The following ANKFN1 variants were observed in gnomAD, a reference collection of about 807,000 sequenced individuals.
The protein encoded by ANKFN1 is ankyrin repeat and fibronectin type-III domain-containing protein 1.
Under a neutral mutation model 108.7 loss-of-function variants are expected in ANKFN1, and 74 were observed. The observed-to-expected ratio is 0.68, with a 90% CI of 0.56 to 0.83. The LOEUF (loss-of-function observed/expected upper bound fraction) is 0.83. Ranked by LOEUF, ANKFN1 falls within the 40% of genes least tolerant of loss-of-function variation. The pLI is 0.00. For missense variants in ANKFN1, 1,505 were observed against 1,382.3 expected, an observed-to-expected ratio of 1.09 and a Z score of -1.41; for synonymous variants, 547 against 516.2, an observed-to-expected ratio of 1.06 and a Z score of -0.81.
intron 19 of ANKFN1, among the ~76,000 whole-genome samples, chr17:56,498,386 G>A (rs1267691430): frequency 6.6e-6 from 1 of 152,076 alleles, no homozygotes; most frequent in Non-Finnish European, 1.5e-5. Flanking sequence ...TTTATCATAT[G>A]CCTTCACAAT....
At chr17:56,253,822 G>A (rs2043292976) in intron 3 of ANKFN1, among the ~76,000 whole-genome samples, 1 of 152,070 alleles carries the variant, frequency 6.6e-6, no homozygotes, top group Non-Finnish European at 1.5e-5. Flanking sequence ...AGGGCTATCC[G>A]GGATAACACT....
intron 8 of ANKFN1, among the ~76,000 whole-genome samples, chr17:56,419,527 C>T (rs577686461): frequency 6.6e-6 from 1 of 151,630 alleles, no homozygotes; most frequent in Non-Finnish European, 1.5e-5. Context: ...AGTATGATGG[C>T]TCATGCCTGT....
chr17:56,407,931 C>CTTTTTTTTTT (rs761975892), intron 8 of ANKFN1, among the ~76,000 whole-genome samples: 441 of 104,568 alleles, frequency 4.2e-3, no homozygotes, highest in Non-Finnish European at 4.9e-3. Flanking sequence ...TCTTTTTTAT[C>CTTTTTTTTTT]TTTTTTTTTT....
intron 4 of ANKFN1, among the ~76,000 whole-genome samples, chr17:56,113,630 G>T (rs1028072335): frequency 6.6e-6 from 1 of 152,132 alleles, no homozygotes; most frequent in African/African-American, 2.4e-5. Context: ...CATTTTCTTA[G>T]GACTATTGTA....
At chr17:56,468,959 C>G (rs1000013511) in intron 15 of ANKFN1, among the ~76,000 whole-genome samples, 1 of 152,148 alleles carries the variant, frequency 6.6e-6, no homozygotes, top group East Asian at 1.9e-4. Context: ...GACTAATACA[C>G]TAATCCCCTA....
At chr17:56,146,538 TG>T (rs1222925429) in intron 4 of ANKFN1, among the ~76,000 whole-genome samples, 1 of 152,238 alleles carries the variant, frequency 6.6e-6, no homozygotes, top group Non-Finnish European at 1.5e-5. Flanking sequence ...CCTCAGTTTT[TG>T]ACTTTTATGC....
chr17:56,412,872 C>G (rs1190796519), intron 8 of ANKFN1, among the ~76,000 whole-genome samples: 2 of 152,210 alleles, frequency 1.3e-5, no homozygotes, highest in Non-Finnish European at 2.9e-5. Flanking sequence ...CCTATTAGTC[C>G]TGATCCTCCA....
At chr17:56,096,958 T>C (rs753699557) in intron 4 of ANKFN1, among the ~76,000 whole-genome samples, 17 of 152,334 alleles carry the variant, frequency 1.1e-4, no homozygotes, top group Middle Eastern at 6.8e-3. Context: ...TCATGTCCTT[T>C]GCAGCAACAT....
At chr17:56,211,644 C>T (rs887134698) in intron 1 of ANKFN1, among the ~76,000 whole-genome samples, 2 of 151,996 alleles carry the variant, frequency 1.3e-5, no homozygotes, top group Middle Eastern at 3.2e-3. Flanking sequence ...CTGTGAAGAA[C>T]GATGGTGGCA....
At chr17:56,348,735 A>ATT (rs2144659310) in intron 4 of ANKFN1, among the ~76,000 whole-genome samples, 1 of 152,308 alleles carries the variant, frequency 6.6e-6, no homozygotes, top group Non-Finnish European at 1.5e-5. Flanking sequence ...AAAAGTCAAA[A>ATT]AACAACAGAT....
At chr17:56,068,387 T>C (rs1430007701) in intron 4 of ANKFN1, among the ~76,000 whole-genome samples, 1 of 152,202 alleles carries the variant, frequency 6.6e-6, no homozygotes, top group Non-Finnish European at 1.5e-5. Context: ...AAGGAGTTGC[T>C]GGGACATGGC....
In ANKFN1 at chr17:56,074,239, C is replaced by T. The variant is rs578118650; in HGVS notation, c.288+27914C>T. On this transcript the variant is annotated intron_variant, in intron 4 of 12. Transcript: ENST00000635860. ...CTGACTAGACAGGCTACAGTTTCCT[C>T]TCATCTCCTGTAGGCATGTCAACTC... Among the ~76,000 whole-genome samples, 12 of 152,308 alleles carry T rather than the reference C, an allele frequency of 7.9e-5. No individual in the cohort carries two copies. The South Asian group carries it at 2.3e-3, about 29-fold the overall frequency.
chr17:56,370,683 G>A lies in ANKFN1; in HGVS notation c.602-1963G>A, dbSNP rs1198030934. 3.9e-5 allele frequency among the ~76,000 whole-genome samples: 6 copies of A among 152,280 alleles called. No individual in the cohort carries two copies. The Middle Eastern group carries it at 0.014, about 345-fold the overall frequency. ...TGAAAACTGTGACACAAACTCTGAC[G>A]CCTAACCTATGTCTAAAAATACACA... On this transcript the variant is annotated intron_variant, in intron 6 of 20. Coordinates refer to ENST00000682825, the MANE Select transcript of ANKFN1 (RefSeq NM_001370326.1).
chr17:56,436,582 G>T lies in ANKFN1; in HGVS notation c.911-3745G>T, dbSNP rs150441561. 2.7e-4 allele frequency among the ~76,000 whole-genome samples: 41 copies of T among 152,170 alleles called. No individual in the cohort carries two copies. In the East Asian group the frequency reaches 7.4e-3, roughly 27 times the overall value. ...CTCATGCCTATAATCCCAACATTTT[G>T]GGAGGCTGAGACAGGCTGATCACCT... On this transcript the variant is annotated intron_variant, in intron 8 of 20. Coordinates refer to ENST00000682825, the MANE Select transcript of ANKFN1 (RefSeq NM_001370326.1).
intron 4 of ANKFN1, among the ~76,000 whole-genome samples, chr17:56,141,051 T>C (rs905585375): frequency 2.6e-5 from 4 of 152,196 alleles, no homozygotes; most frequent in African/African-American, 7.2e-5. Context: ...TTTCTGGATG[T>C]GCACCCAGAT....
At position 56,457,094 on chromosome 17, in the gene ANKFN1, T is replaced by C. The variant is rs79782934; in HGVS notation, c.1307+134T>C. ...TTCACTTTTCTCCTGAGAATTTGTG[T>C]AAGACAGTAATTTTCTCTCTTTTGA... On this transcript the variant is annotated intron_variant, in intron 12 of 20. Transcript: ENST00000682825. 9.5e-4 allele frequency: 1,081 copies of C among 1,143,180 alleles called. 5 individuals carry two copies. The highest frequency in any genetic ancestry group is 8.7e-3 in the African/African-American group (558 of 63,864). The allele number at this position is 1,143,180 out of a possible 1,614,324, so 70.8% of individuals were successfully genotyped here.
Position 56,457,944 on chromosome 17 carries a change from C to T in ANKFN1, c.1522C>T (p.Arg508Trp), listed in dbSNP as rs145812649. Reference protein sequence around the residue: ...SSSSSTVLQTRQKMLAATAQL... With the variant: ...SSSSSTVLQTWQKMLAATAQL... ...ATCCTCATCCACAGTGCTGCAAACT[C>T]GGCAGAAGATGCTCGCAGCAACAGC... The change falls in exon 14 of 21, where the codon CGG (arginine) becomes TGG (tryptophan). Residue 508 changes from arginine to tryptophan, a missense_variant. By Grantham distance (101) the Arg-to-Trp change is moderately radical (BLOSUM62 -3). Transcript: ENST00000682825. 35 of 1,614,054 alleles carry T rather than the reference C, an allele frequency of 2.2e-5. 1 individual carries two copies. Among genetic ancestry groups the T allele is most frequent in the Middle Eastern group, 3.3e-4 (2 of 6,050 alleles).
intron 4 of ANKFN1, among the ~76,000 whole-genome samples, chr17:56,048,833 C>G (rs1904724923): frequency 6.6e-6 from 1 of 152,204 alleles, no homozygotes; most frequent in Non-Finnish European, 1.5e-5. Flanking sequence ...TCCTTCCCTC[C>G]CCTAACAGAG....
intron 4 of ANKFN1, among the ~76,000 whole-genome samples, chr17:56,114,971 A>C (rs1481620674): frequency 1.3e-5 from 2 of 152,230 alleles, no homozygotes; most frequent in Non-Finnish European, 2.9e-5. Context: ...AAAGGCAAGC[A>C]AGCAGATTCC....
Sources: allele counts gnomAD v4.1 joint callset (sites outside exome capture counted in the v4.1 genomes callset), GRCh38; gene constraint gnomAD v4.1.1; transcripts MANE v1.5; gene names NCBI Gene and HGNC (gene_info 2026-07-23, HGNC 2026-07-21).